PMS1: variants seen among roughly 807,000 people sequenced by gnomAD.
PMS1 encodes the protein PMS1 protein homolog 1.
A neutral mutation model predicts 93.1 loss-of-function variants in PMS1; 79 were observed. That is an observed-to-expected ratio of 0.85 (90% confidence interval 0.71 to 1.02). PMS1 has a LOEUF of 1.02. Among genes scored for constraint, PMS1 ranks in the 50% least tolerant of loss-of-function variants. The probability of loss-of-function intolerance (pLI) is 0.00; values close to 1 mark genes in which losing one functional copy is unlikely to be tolerated. For synonymous variants in PMS1, 335 were observed against 363.4 expected (o/e 0.92, Z 0.89); for missense variants, 1,064 against 1,085.3 (o/e 0.98, Z 0.28).
intron 9 of PMS1, among the ~76,000 whole-genome samples, chr2:189,861,314 G>A (rs1251835515): frequency 6.6e-6 from 1 of 151,272 alleles, no homozygotes; most frequent in Non-Finnish European, 1.5e-5. Context: ...TGTATTTGGT[G>A]TCACTTTCCT....
At chr2:189,802,217 T>C (rs1388522803) in intron 3 of PMS1, among the ~76,000 whole-genome samples, 2 of 152,224 alleles carry the variant, frequency 1.3e-5, no homozygotes, top group African/African-American at 4.8e-5. Flanking sequence ...CACTTCGCTA[T>C]GCAGTCAAAA....
intron 5 of PMS1, among the ~76,000 whole-genome samples, chr2:189,822,462 G>A (rs1206544213): frequency 6.6e-6 from 1 of 152,030 alleles, no homozygotes; most frequent in Non-Finnish European, 1.5e-5. Flanking sequence ...TTTTTTTAAG[G>A]TATTGGGTCA....
intron 2 of PMS1, 24 bp from the exon 3 acceptor site, chr2:189,795,745 A>G (rs982137100): frequency 1.1e-5 from 17 of 1,569,716 alleles, no homozygotes; most frequent in Non-Finnish European, 1.4e-5. Flanking sequence ...TTACATATTA[A>G]AAGTGTTTTT....
intron 9 of PMS1, among the ~76,000 whole-genome samples, chr2:189,861,277 TA>T (rs1224407386): frequency 1.8e-4 from 28 of 152,282 alleles, no homozygotes; most frequent in Middle Eastern, 3.4e-3. Context: ...GGAGTTAATG[TA>T]AAAACCCTGT....
At chr2:189,862,023 A>G (rs2056069677) in intron 9 of PMS1, among the ~76,000 whole-genome samples, 1 of 151,590 alleles carries the variant, frequency 6.6e-6, no homozygotes, top group South Asian at 2.1e-4. Context: ...TGTAAGTTGT[A>G]TTTCTCCAAA....
intron 12 of PMS1, among the ~76,000 whole-genome samples, chr2:189,874,201 G>A (rs1431499599): frequency 6.6e-6 from 1 of 152,048 alleles, no homozygotes; most frequent in Admixed American, 6.5e-5. Flanking sequence ...GGTACATATT[G>A]AGGAAAGACT....
At chr2:189,803,332 A>G (rs1482515585) in intron 3 of PMS1, among the ~76,000 whole-genome samples, 1 of 152,220 alleles carries the variant, frequency 6.6e-6, no homozygotes, top group Non-Finnish European at 1.5e-5. Context: ...ATGTAATTTT[A>G]ATTTTGTAAT....
intron 5 of PMS1, among the ~76,000 whole-genome samples, chr2:189,819,452 A>C (rs2051628906): frequency 1.3e-5 from 2 of 152,150 alleles, no homozygotes; most frequent in Admixed American, 1.3e-4. Context: ...TTTAGAACTA[A>C]AAATACTGTT....
At chr2:189,811,210 G>T (rs919684574) in intron 4 of PMS1, among the ~76,000 whole-genome samples, 1 of 151,186 alleles carries the variant, frequency 6.6e-6, no homozygotes, top group Non-Finnish European at 1.5e-5. Context: ...GAGACCTGTG[G>T]GGCAACATTA....
chr2:189,838,711 T>A lies in PMS1; in HGVS notation c.583-5253T>A, dbSNP rs12617253. Among the ~76,000 whole-genome samples the A allele has an allele frequency of 7.7e-3, 1,180 of 152,312 alleles. 11 individuals are homozygous for A. Among genetic ancestry groups the A allele is most frequent in the Middle Eastern group, 0.037 (11 of 294 alleles). ...CCCAGTAATTCTCAGCCGCAGTATA[T>A]TAATACTAGTAAAGTACCAAAGTTT... On this transcript the variant is annotated intron_variant, in intron 5 of 12. Coordinates refer to ENST00000441310, the MANE Select transcript of PMS1 (RefSeq NM_000534.5).
intron 11 of PMS1, among the ~76,000 whole-genome samples, chr2:189,869,448 A>G (rs2056944818): frequency 6.6e-6 from 1 of 152,124 alleles, no homozygotes; most frequent in African/African-American, 2.4e-5. Flanking sequence ...GTGGGGGTAT[A>G]TGTGTTTTAT....
intron 10 of PMS1, among the ~76,000 whole-genome samples, chr2:189,867,196 G>A (rs1363210493): frequency 6.6e-6 from 1 of 152,040 alleles, no homozygotes; most frequent in Non-Finnish European, 1.5e-5. Flanking sequence ...TGACTATAAC[G>A]CGTCCTGACC....
rs1236122020 is a variant in PMS1 at position 189,863,735 on chromosome 2, A to G, written c.1857-8A>G. 1 of 1,561,222 alleles carries G rather than the reference A, an allele frequency of 6.4e-7. No individual in the cohort carries two copies. The highest frequency in any genetic ancestry group is 1.1e-5 in the South Asian group (1 of 89,526). On this transcript the variant is annotated splice_region_variant and splice_polypyrimidine_tract_variant and intron_variant, in intron 9 of 12. Transcript: ENST00000441310. ...ATCTCATTAGTTCTATTTTATTTCT[A>G]TTCTTAGATATGAAGAGAAGGCTAC...
At chr2:189,843,613 T>C (rs1186477913) in intron 5 of PMS1, among the ~76,000 whole-genome samples, 3 of 152,144 alleles carry the variant, frequency 2.0e-5, no homozygotes, top group African/African-American at 7.2e-5. Context: ...AATGTGAGGA[T>C]TGGAGGTGGA....
At position 189,864,941 on chromosome 2, in the gene PMS1, C is replaced by T. The variant is rs987951590; in HGVS notation, c.2342+713C>T. Among the ~76,000 whole-genome samples the T allele has an allele frequency of 3.3e-5, 5 of 150,948 alleles. No homozygotes were observed. In the East Asian group the frequency reaches 5.8e-4, roughly 18 times the overall value. ...AAACACATAATAAAATAGAAGTATA[C>T]GATGCATACCTTTATCAGTAATTAT... On this transcript the variant is annotated intron_variant, in intron 10 of 12. Transcript: ENST00000441310.
At chr2:189,828,055 C>G (rs571959948) in intron 5 of PMS1, among the ~76,000 whole-genome samples, 18 of 152,018 alleles carry the variant, frequency 1.2e-4, no homozygotes, top group Non-Finnish European at 1.9e-4. Flanking sequence ...TCCCGAATAG[C>G]TGGGACTGCA....
chr2:189,801,295 A>G (rs546725580), intron 3 of PMS1, among the ~76,000 whole-genome samples: 1 of 152,374 alleles, frequency 6.6e-6, no homozygotes, highest in Non-Finnish European at 1.5e-5. Flanking sequence ...AACAGCAAGC[A>G]TAACTTCTTG....
At chr2:189,864,324 G>A in intron 10 of PMS1, 96 bp downstream of exon 10, 3 of 870,556 alleles carry the variant, frequency 3.4e-6, no homozygotes, top group Non-Finnish European at 5.8e-6. Flanking sequence ...ATGTTTCCTA[G>A]TAAGGATTAG....
intron 6 of PMS1, among the ~76,000 whole-genome samples, chr2:189,850,312 C>A (rs915815891): frequency 6.6e-6 from 1 of 151,904 alleles, no homozygotes; most frequent in Non-Finnish European, 1.5e-5. Context: ...AGGGTTACAT[C>A]AATATAATCA....
Sources: gnomAD v4.1 joint callset for allele counts (sites outside exome capture counted in the v4.1 genomes callset) on GRCh38, gnomAD v4.1.1 for gene constraint, MANE v1.5 for transcripts, NCBI Gene and HGNC (gene_info 2026-07-23, HGNC 2026-07-21) for gene names.